Variants in VPS13B observed in about 807,000 individuals in gnomAD.
VPS13B encodes the protein vacuolar protein sorting 13 homolog B, also known as intermembrane lipid transfer protein VPS13B.
VPS13B carries 285 observed loss-of-function variants against 426.4 expected under a neutral mutation model. The ratio of observed to expected loss-of-function variants is 0.67; its 90% confidence interval spans 0.61 to 0.74. The LOEUF is 0.74. VPS13B is among the 30% of genes least tolerant of loss of function. VPS13B has a pLI of 0.00. For synonymous variants in VPS13B, 1,676 were observed against 1,676.4 expected, an observed-to-expected ratio of 1.00 and a Z score of 0.01; for missense variants, 4,537 against 4,782.6, an observed-to-expected ratio of 0.95 and a Z score of 1.51.
At chr8:99,028,416 A>G (rs1197459611) in intron 2 of VPS13B, among the ~76,000 whole-genome samples, 2 of 125,864 alleles carry the variant, frequency 1.6e-5, no homozygotes, top group Non-Finnish European at 3.3e-5. Context: ...TCCCTCCCGG[A>G]CGGGGCGGCT....
At chr8:99,572,227 T>A (rs1214865325) in intron 31 of VPS13B, among the ~76,000 whole-genome samples, 1 of 152,202 alleles carries the variant, frequency 6.6e-6, no homozygotes, top group Non-Finnish European at 1.5e-5. Flanking sequence ...GCAGTGGACT[T>A]GAAGATCTAT....
chr8:99,277,686 A>G lies in VPS13B; in HGVS notation c.2824+2432A>G, dbSNP rs571291739. On this transcript the variant is annotated intron_variant, in intron 19 of 61. Coordinates refer to ENST00000357162, the MANE Select transcript of VPS13B (RefSeq NM_152564.5). ...TGACACTTCTTACTTATTTTTCTAC[A>G]CTCCTTTAGTTTTCCTTAGTACTTA... 1.6e-4 allele frequency among the ~76,000 whole-genome samples: 25 copies of G among 151,788 alleles called. No individual in the cohort carries two copies. The East Asian group carries it at 4.1e-3, about 25-fold the overall frequency.
intron 36 of VPS13B, among the ~76,000 whole-genome samples, chr8:99,710,835 CAAA>C (rs532543246): frequency 4.6e-5 from 4 of 86,382 alleles, no homozygotes; most frequent in African/African-American, 8.6e-5. Flanking sequence ...ACTAAAAATG[CAAA>C]AAAAAAAAAA....
At chr8:99,834,623 A>G in intron 52 of VPS13B, among the ~76,000 whole-genome samples, 1 of 151,934 alleles carries the variant, frequency 6.6e-6, no homozygotes. Flanking sequence ...TGCATCCTCA[A>G]CCTCCCAGGC....
chr8:99,638,753 A>T (rs1829171878), intron 33 of VPS13B, among the ~76,000 whole-genome samples: 1 of 152,194 alleles, frequency 6.6e-6, no homozygotes, highest in African/African-American at 2.4e-5. Context: ...ACTATGAATG[A>T]CTATGTCTGG....
intron 17 of VPS13B, among the ~76,000 whole-genome samples, chr8:99,203,468 T>C (rs1230953512): frequency 6.6e-6 from 1 of 152,172 alleles, no homozygotes; most frequent in East Asian, 1.9e-4. Flanking sequence ...AAGTATGCCC[T>C]CTCTTAGCAC....
At chr8:99,613,152 G>C (rs965207803) in intron 33 of VPS13B, among the ~76,000 whole-genome samples, 1 of 152,154 alleles carries the variant, frequency 6.6e-6, no homozygotes, top group Non-Finnish European at 1.5e-5. Flanking sequence ...CAAGTTCAAA[G>C]TCTGATTCAT....
chr8:99,050,662 T>C (rs1843492615), intron 3 of VPS13B, among the ~76,000 whole-genome samples: 1 of 152,162 alleles, frequency 6.6e-6, no homozygotes, highest in Admixed American at 6.5e-5. Flanking sequence ...AGTGTAAAAG[T>C]GTTCCTGTTT....
intron 39 of VPS13B, among the ~76,000 whole-genome samples, chr8:99,766,119 A>C (rs1469764527): frequency 8.8e-6 from 1 of 114,048 alleles, no homozygotes; most frequent in Non-Finnish European, 1.6e-5. Flanking sequence ...TCTGTCGCCC[A>C]GGCTGGAGTG....
Position 99,784,438 on chromosome 8 carries a change from A to C in VPS13B, c.7903A>C (p.Ser2635Arg). Residue 2635 changes from serine to arginine, a missense_variant, in exon 43 of 62, where the codon AGT (serine) becomes CGT (arginine). Ser to Arg is a moderately radical substitution (Grantham distance 110). Transcript: ENST00000357162. ...AAATATTCTGCTGGCGAGTCTCCAC[A>C]GTCACCAGTACAGCTGGCGCTCTCA... ...DENILLASLH[S>R]HQYSWRSHKS... The C allele has an allele frequency of 3.7e-6, 6 of 1,613,736 alleles. No homozygotes were observed. The highest frequency in any genetic ancestry group is 5.1e-6 in the Non-Finnish European group (6 of 1,179,702).
chr8:99,228,514 C>G (rs1050872744), intron 17 of VPS13B, among the ~76,000 whole-genome samples: 1 of 152,114 alleles, frequency 6.6e-6, no homozygotes, highest in African/African-American at 2.4e-5. Context: ...ATTTTATTCA[C>G]TAAGAAAAAT....
rs1439959819 is a variant in VPS13B, at chr8:99,270,348, A to C, written c.2516-3850A>C. On this transcript the variant is annotated intron_variant, in intron 17 of 61. Transcript: ENST00000357162. ...TAGATGTGGTTTCTCCACATTGGCC[A>C]GGCTGGTCTTAAACTCCTGACCTCA... Among the ~76,000 whole-genome samples, 4 of 151,666 alleles carry C rather than the reference A, an allele frequency of 2.6e-5. No homozygotes were observed. In the East Asian group the frequency reaches 7.8e-4, roughly 29 times the overall value.
At chr8:99,402,275 A>C (rs1815079470) in intron 21 of VPS13B, among the ~76,000 whole-genome samples, 1 of 151,894 alleles carries the variant, frequency 6.6e-6, no homozygotes, top group Non-Finnish European at 1.5e-5. Flanking sequence ...TGTCCCCCAG[A>C]CTCCAGAAAG....
chr8:99,116,018 A>C, intron 7 of VPS13B, 144 bp downstream of exon 7: 6 of 893,644 alleles, frequency 6.7e-6, no homozygotes, highest in Non-Finnish European at 1.0e-5. Flanking sequence ...GTTTTACACT[A>C]TTTTAATTTT....
At chr8:99,749,208 C>T (rs1356192509) in intron 39 of VPS13B, among the ~76,000 whole-genome samples, 1 of 151,896 alleles carries the variant, frequency 6.6e-6, no homozygotes, top group African/African-American at 2.4e-5. Context: ...TAACCATCAC[C>T]TCAAGCATTT....
chr8:99,511,644 G>A, intron 29 of VPS13B, 132 bp downstream of exon 29: 1 of 881,678 alleles, frequency 1.1e-6, no homozygotes. Flanking sequence ...ATATTTTATA[G>A]AGAGGAAATA....
chr8:99,478,272 T>G (rs1406994373), intron 24 of VPS13B, among the ~76,000 whole-genome samples: 1 of 151,814 alleles, frequency 6.6e-6, no homozygotes, highest in Admixed American at 6.6e-5. Flanking sequence ...TTATGCCAGT[T>G]TTCTATTCAT....
At chr8:99,396,091 C>T (rs1489794364) in intron 21 of VPS13B, among the ~76,000 whole-genome samples, 1 of 152,074 alleles carries the variant, frequency 6.6e-6, no homozygotes. Context: ...AGAGCCTTAT[C>T]GAACCGTGGG....
intron 21 of VPS13B, among the ~76,000 whole-genome samples, chr8:99,419,875 A>G (rs1230693712): frequency 2.6e-5 from 4 of 152,200 alleles, no homozygotes; most frequent in South Asian, 4.1e-4. Context: ...CTACTGCTAC[A>G]TGAAATAAAT....
Sources: allele counts gnomAD v4.1 joint callset (sites outside exome capture counted in the v4.1 genomes callset), GRCh38; gene constraint gnomAD v4.1.1; transcripts MANE v1.5; gene names NCBI Gene and HGNC (gene_info 2026-07-23, HGNC 2026-07-21).